Variants in SVEP1 observed in about 807,000 individuals in gnomAD.
The protein encoded by SVEP1 is sushi, von Willebrand factor type A, EGF and pentraxin domain-containing protein 1.
Under a neutral mutation model 367.3 loss-of-function variants are expected in SVEP1, and 164 were observed. The observed-to-expected ratio is 0.45, with a 90% CI of 0.39 to 0.51. The LOEUF is 0.51. SVEP1 is among the 20% of genes least tolerant of loss of function. The pLI, the probability that SVEP1 is intolerant of heterozygous loss-of-function variation, is 0.00. For missense variants in SVEP1, 4,117 were observed against 4,425.3 expected, an observed-to-expected ratio of 0.93 and a Z score of 1.98; for synonymous variants, 1,666 against 1,611.6, an observed-to-expected ratio of 1.03 and a Z score of -0.81.
intron 5 of SVEP1, among the ~76,000 whole-genome samples, chr9:110,508,377 T>C (rs1275145496): frequency 6.6e-6 from 1 of 152,196 alleles, no homozygotes; most frequent in Admixed American, 6.5e-5. Flanking sequence ...TGATGTTAAA[T>C]GTAAGGTTCT....
At chr9:110,481,568 G>T in intron 11 of SVEP1, 132 bp from the exon 12 acceptor site, 1 of 573,206 alleles carries the variant, frequency 1.7e-6, no homozygotes, top group Non-Finnish European at 2.7e-6. Flanking sequence ...TTTACCATAT[G>T]TCTTTAGTGC....
chr9:110,559,204 T>C (rs536591204), intron 1 of SVEP1, among the ~76,000 whole-genome samples: 53 of 152,124 alleles, frequency 3.5e-4, no homozygotes, highest in African/African-American at 1.3e-3. Context: ...GCTAACATAA[T>C]AAGACACAGA....
intron 1 of SVEP1, among the ~76,000 whole-genome samples, chr9:110,558,944 A>T (rs146475752): frequency 8.6e-4 from 131 of 152,256 alleles, no homozygotes; most frequent in African/African-American, 2.9e-3. Flanking sequence ...CACAATTATT[A>T]CCCCAATTAA....
chr9:110,497,743 T>C (rs961291680), intron 7 of SVEP1, among the ~76,000 whole-genome samples: 1 of 152,260 alleles, frequency 6.6e-6, no homozygotes, highest in Non-Finnish European at 1.5e-5. Flanking sequence ...CCAGTTATGG[T>C]AGTGCTTAAG....
chr9:110,432,499 A>T lies in SVEP1; in HGVS notation c.5196T>A (p.Asp1732Glu). 1 of 1,613,660 alleles carries T rather than the reference A, an allele frequency of 6.2e-7. No individual in the cohort carries two copies. Among genetic ancestry groups the T allele is most frequent in the Non-Finnish European group, 8.5e-7 (1 of 1,179,742 alleles). Residue 1732 changes from aspartate (D) to glutamate (E), a missense_variant, in exon 31 of 48, where the codon GAT (aspartate) becomes GAA (glutamate). Asp to Glu is a conservative substitution (Grantham distance 45, BLOSUM62 2). Around this residue, in one of 4 missense-constraint regions of SVEP1, gnomAD observed 2,174 missense variants for 2,494.3 expected, o/e 0.87. Transcript: ENST00000374469. Reference protein sequence around the residue: ...LLGDSRMFCTDNGSWNGVSPS... With the variant: ...LLGDSRMFCTENGSWNGVSPS... ...GTGAAACGCCGTTCCAGCTCCCATT[A>T]TCTGTACAGAACATCCTTGAGTCAC...
At chr9:110,374,778 A>G (rs960246861) in intron 46 of SVEP1, among the ~76,000 whole-genome samples, 2 of 152,216 alleles carry the variant, frequency 1.3e-5, no homozygotes, top group African/African-American at 4.8e-5. Context: ...CGATTCCTCA[A>G]AAACCTAAAA....
At chr9:110,382,738 A>G (rs754483622) in intron 43 of SVEP1, among the ~76,000 whole-genome samples, 1 of 152,172 alleles carries the variant, frequency 6.6e-6, no homozygotes, top group Non-Finnish European at 1.5e-5. Flanking sequence ...ATAATTTCAT[A>G]GTTCTCAGAG....
intron 9 of SVEP1, among the ~76,000 whole-genome samples, chr9:110,487,816 T>G (rs1829306219): frequency 6.6e-6 from 1 of 152,180 alleles, no homozygotes. Context: ...ACTTTTACTT[T>G]TGGATAAAGA....
At chr9:110,382,390 GC>G (rs1395337638) in intron 43 of SVEP1, among the ~76,000 whole-genome samples, 4 of 151,860 alleles carry the variant, frequency 2.6e-5, no homozygotes, top group African/African-American at 9.6e-5. Context: ...TTGAATATTG[GC>G]CCCCAATGTC....
intron 1 of SVEP1, among the ~76,000 whole-genome samples, chr9:110,570,370 C>T (rs779307164): frequency 5.9e-5 from 9 of 152,016 alleles, no homozygotes; most frequent in African/African-American, 2.2e-4. Flanking sequence ...ATACAATTTT[C>T]CCTGTCTCTA....
At chr9:110,388,415 T>C (rs971564763) in intron 41 of SVEP1, among the ~76,000 whole-genome samples, 2 of 152,162 alleles carry the variant, frequency 1.3e-5, no homozygotes, top group African/African-American at 2.4e-5. Context: ...TCTAGACTAG[T>C]GCTTCTCAAG....
At position 110,387,397 on chromosome 9, in the gene SVEP1, C is replaced by A. The variant is rs775162445; in HGVS notation, c.9948G>T (p.Thr3316=). 1 of 1,613,364 alleles carries A rather than the reference C, an allele frequency of 6.2e-7. No individual in the cohort carries two copies. Among genetic ancestry groups the A allele is most frequent in the Non-Finnish European group, 8.5e-7 (1 of 1,179,748 alleles). The change falls in exon 42 of 48, where the codon ACG becomes ACT. Residue 3316 remains threonine, a synonymous_variant. Transcript: ENST00000374469. ...LNGKADIENR[T]TGPNVVYSCN... The stretch of plus-strand genomic sequence containing the variant: ...AGGAATATACCACGTTGGGTCCAGT[C>A]GTCCTGTTTTCAATGTCAGCTTTCC...
chr9:110,523,558 T>C (rs899097385), intron 3 of SVEP1, among the ~76,000 whole-genome samples: 2 of 152,152 alleles, frequency 1.3e-5, no homozygotes, highest in African/African-American at 4.8e-5. Flanking sequence ...AATTAAGTGA[T>C]AGGGATTAAA....
At chr9:110,375,724 C>T (rs532849926) in intron 45 of SVEP1, among the ~76,000 whole-genome samples, 40 of 150,116 alleles carry the variant, frequency 2.7e-4, no homozygotes, top group African/African-American at 8.8e-4. Flanking sequence ...GAAGACACTC[C>T]GTAATCAGTG....
Position 110,408,004 on chromosome 9 carries a change from AC to A in SVEP1, c.7595del (p.Gly2532ValfsTer5). The A allele has an allele frequency of 6.2e-7, 1 of 1,613,858 alleles. No homozygotes were observed. The highest frequency in any genetic ancestry group is 8.5e-7 in the Non-Finnish European group (1 of 1,179,836). On this transcript the variant is annotated frameshift_variant, in exon 38 of 48. Coordinates refer to ENST00000374469, the MANE Select transcript of SVEP1 (RefSeq NM_153366.4). LOFTEE classifies it high-confidence loss of function. ...TCTCTAAACAGGTCAAGGCACTGGG[AC>A]CTTCGAGCCGAAAGCCTCGGTTGCA... ...YSCNRGFRLE[G>X]PSALTCLETG...
At chr9:110,545,407 C>T (rs933603490) in intron 3 of SVEP1, among the ~76,000 whole-genome samples, 1 of 152,170 alleles carries the variant, frequency 6.6e-6, no homozygotes, top group Admixed American at 6.5e-5. Context: ...GTGCCTCTTT[C>T]TCTCCATCCT....
intron 9 of SVEP1, 34 bp from the exon 10 acceptor site, chr9:110,483,727 G>A (rs1172376388): frequency 6.7e-7 from 1 of 1,494,984 alleles, no homozygotes; most frequent in Admixed American, 2.1e-5. Flanking sequence ...AGAAGTCACA[G>A]CTGATATTCA....
intron 16 of SVEP1, among the ~76,000 whole-genome samples, chr9:110,470,863 T>C (rs1179655487): frequency 2.0e-5 from 3 of 151,954 alleles, no homozygotes; most frequent in African/African-American, 7.2e-5. Flanking sequence ...TGTGCCATGT[T>C]GGTGTGCTGC....
At chr9:110,403,923 C>A (rs1212595720) in intron 39 of SVEP1, among the ~76,000 whole-genome samples, 3 of 150,166 alleles carry the variant, frequency 2.0e-5, no homozygotes, top group Non-Finnish European at 4.4e-5. Flanking sequence ...CTACTGCTTA[C>A]AAGCAGCAAA....
Sources: allele counts gnomAD v4.1 joint callset (sites outside exome capture counted in the v4.1 genomes callset), GRCh38; gene constraint gnomAD v4.1.1; regional missense constraint gnomAD v4.1.1; transcripts MANE v1.5; gene names NCBI Gene and HGNC (gene_info 2026-07-23, HGNC 2026-07-21).